Variants in XKR6 observed in about 807,000 individuals in gnomAD.
XKR6 encodes the protein XK-related protein 6.
Under a neutral mutation model 56.7 loss-of-function variants are expected in XKR6, and 22 were observed. The ratio of observed to expected loss-of-function variants is 0.39; its 90% CI spans 0.28 to 0.55. The LOEUF is 0.55. Among genes scored for constraint, XKR6 ranks in the 20% least tolerant of loss-of-function variants. The pLI, the probability that XKR6 is intolerant of heterozygous loss-of-function variation, is 0.66. For synonymous variants in XKR6, 524 were observed against 387.8 expected, an observed-to-expected ratio of 1.35 and a Z score of -4.13; for missense variants, 852 against 889.0, an observed-to-expected ratio of 0.96 and a Z score of 0.53.
chr8:10,949,119 C>G (rs1227321983), intron 1 of XKR6, among the ~76,000 whole-genome samples: 1 of 152,246 alleles, frequency 6.6e-6, no homozygotes, highest in Non-Finnish European at 1.5e-5. Flanking sequence ...GGGGTGAGCC[C>G]TGGCTGGAGG....
At chr8:10,933,163 T>C (rs7016066) in intron 1 of XKR6, among the ~76,000 whole-genome samples, 50,448 of 123,746 alleles carry the variant, frequency 0.41, 11,251 homozygotes, top group African/African-American at 0.51. Flanking sequence ...ATGAGCATTT[T>C]TTCATGTGTT....
intron 1 of XKR6, among the ~76,000 whole-genome samples, chr8:10,976,037 G>A (rs1341542757): frequency 3.9e-5 from 6 of 152,076 alleles, no homozygotes; most frequent in African/African-American, 7.2e-5. Flanking sequence ...TTAGCTGGGC[G>A]CAATGGCGGG....
Position 11,101,440 on chromosome 8 carries a change from TTC to T in XKR6, c.764+99134_764+99135del, listed in dbSNP as rs530902393. Reference sequence around the variant, plus strand: ...AGCAGCAGTGACCTAGTGAATTTTGTTCTGTTCATTTTTGTGCACTCTCTAAA... The same window carrying T: ...AGCAGCAGTGACCTAGTGAATTTTGTTGTTCATTTTTGTGCACTCTCTAAA... On this transcript the variant is annotated intron_variant, in intron 1 of 2. Transcript: ENST00000416569. 7.2e-4 allele frequency among the ~76,000 whole-genome samples: 109 copies of T among 152,344 alleles called. No homozygotes were observed. The Middle Eastern group carries it at 0.014, about 19-fold the overall frequency.
chr8:10,956,677 G>C (rs558731777), intron 1 of XKR6, among the ~76,000 whole-genome samples: 1 of 152,260 alleles, frequency 6.6e-6, no homozygotes, highest in East Asian at 1.9e-4. Context: ...AACAGCGGAT[G>C]TCAAAGGGAA....
At chr8:11,002,446 T>A in intron 1 of XKR6, 1 of 408,996 alleles carries the variant, frequency 2.4e-6, no homozygotes, top group Non-Finnish European at 5.1e-6. Flanking sequence ...TGTTTGCAGT[T>A]CTCTTCATCT....
chr8:11,162,726 T>A (rs960550209), intron 1 of XKR6, among the ~76,000 whole-genome samples: 3 of 152,242 alleles, frequency 2.0e-5, no homozygotes, highest in Non-Finnish European at 2.9e-5. Flanking sequence ...GTTAACCCAG[T>A]AAGGCACTGA....
Position 11,191,701 on chromosome 8 carries a change from GAAA to G in XKR6, c.764+8872_764+8874del, listed in dbSNP as rs145736616. On this transcript the variant is annotated intron_variant, in intron 1 of 2. Transcript: ENST00000416569. ...CACTGGAAAAAAGTCAATGTCATGA[GAAA>G]AAAAAAAAAAAAACAGAGAGGGACT... Among the ~76,000 whole-genome samples the G allele has an allele frequency of 5.7e-3, 475 of 83,540 alleles. 9 individuals carry two copies. The highest frequency in any genetic ancestry group is 0.041 in the East Asian group (93 of 2,286). The allele number at this position is 83,540 out of a possible 152,430, so 54.8% of individuals were successfully genotyped here.
At chr8:11,014,468 C>T (rs1798572177) in intron 1 of XKR6, among the ~76,000 whole-genome samples, 1 of 152,170 alleles carries the variant, frequency 6.6e-6, no homozygotes, top group South Asian at 2.1e-4. Context: ...ACACAACAGG[C>T]CCTGCAAACA....
At chr8:10,975,603 G>T (rs1802531621) in intron 1 of XKR6, among the ~76,000 whole-genome samples, 1 of 152,208 alleles carries the variant, frequency 6.6e-6, no homozygotes, top group Non-Finnish European at 1.5e-5. Flanking sequence ...GCGGATTTGT[G>T]TGACTCCTCT....
intron 1 of XKR6, among the ~76,000 whole-genome samples, chr8:11,093,969 G>A (rs1401738856): frequency 2.6e-5 from 4 of 152,038 alleles, no homozygotes. Context: ...ATTTTTAGTA[G>A]AGATGGGGGT....
intron 1 of XKR6, among the ~76,000 whole-genome samples, chr8:10,927,157 G>C (rs535180178): frequency 1.3e-4 from 20 of 152,320 alleles, no homozygotes; most frequent in African/African-American, 4.8e-4. Flanking sequence ...GTGAGCCCCT[G>C]ATGGAGGGTG....
intron 1 of XKR6, among the ~76,000 whole-genome samples, chr8:11,184,428 A>T (rs1192081467): frequency 6.6e-6 from 1 of 151,354 alleles, no homozygotes; most frequent in Non-Finnish European, 1.5e-5. Flanking sequence ...CACTTATATT[A>T]CATTTATTAG....
intron 1 of XKR6, chr8:11,106,119 G>T (rs1467641781): frequency 6.6e-6 from 1 of 152,138 alleles, no homozygotes. Flanking sequence ...GTGTGTCAGG[G>T]AAATTTGCTA....
intron 1 of XKR6, among the ~76,000 whole-genome samples, chr8:11,176,238 T>G (rs1348264848): frequency 6.6e-6 from 1 of 152,198 alleles, no homozygotes; most frequent in African/African-American, 2.4e-5. Flanking sequence ...GGCCAACATA[T>G]GCATAAATCC....
At chr8:11,070,524 G>C (rs935981438) in intron 1 of XKR6, among the ~76,000 whole-genome samples, 1 of 152,160 alleles carries the variant, frequency 6.6e-6, no homozygotes, top group African/African-American at 2.4e-5. Context: ...ACAAAACCAG[G>C]TAATGAGTGA....
chr8:10,923,697 T>A (rs758733345), intron 2 of XKR6, among the ~76,000 whole-genome samples: 1 of 152,214 alleles, frequency 6.6e-6, no homozygotes, highest in Admixed American at 6.5e-5. Context: ...TGGGTGTCCA[T>A]GAACGTGGTG....
At chr8:11,196,324 A>C (rs1803885504) in intron 1 of XKR6, among the ~76,000 whole-genome samples, 1 of 152,194 alleles carries the variant, frequency 6.6e-6, no homozygotes, top group Non-Finnish European at 1.5e-5. Context: ...GTATCCCATA[A>C]AAGGCAAAGA....
chr8:10,978,798 G>A (rs147350395), intron 1 of XKR6, among the ~76,000 whole-genome samples: 65 of 152,218 alleles, frequency 4.3e-4, no homozygotes, highest in South Asian at 1.9e-3. Context: ...CCGTGCTGAC[G>A]CACGGCCTTG....
chr8:11,142,865 G>A (rs1672719273), intron 1 of XKR6, among the ~76,000 whole-genome samples: 1 of 152,158 alleles, frequency 6.6e-6, no homozygotes, highest in African/African-American at 2.4e-5. Flanking sequence ...ACAATGAATT[G>A]TAACTTGTCG....
Sources: gnomAD v4.1 joint callset for allele counts (sites outside exome capture counted in the v4.1 genomes callset) on GRCh38, gnomAD v4.1.1 for gene constraint, MANE v1.5 for transcripts, NCBI Gene and HGNC (gene_info 2026-07-23, HGNC 2026-07-21) for gene names.